The following ATP6V0A4 variants were observed in gnomAD, a reference collection of about 807,000 sequenced individuals.
ATP6V0A4 encodes the protein ATPase H+ transporting V0 subunit a4.
In ATP6V0A4, 86 loss-of-function variants were observed where a neutral mutation model predicts 107.3. The observed-to-expected ratio is 0.80, with a 90% confidence interval of 0.67 to 0.96. ATP6V0A4 has a LOEUF of 0.96. Ranked by LOEUF, ATP6V0A4 falls within the 40% of genes least tolerant of loss-of-function variation. The pLI, the probability that ATP6V0A4 is intolerant of heterozygous loss-of-function variation, is 0.00. For missense variants in ATP6V0A4, 908 were observed against 1,045.6 expected (o/e 0.87, Z 1.81); for synonymous variants, 353 against 381.4 (o/e 0.93, Z 0.87).
chr7:138,758,739 A>ATTTTTTTTTTT lies in ATP6V0A4; in HGVS notation c.639+1002_639+1012dup, dbSNP rs398006555. On this transcript the variant is annotated intron_variant, in intron 8 of 21. Coordinates refer to ENST00000310018, the MANE Select transcript of ATP6V0A4 (RefSeq NM_020632.3). Reference sequence around the variant, plus strand: ...CCCCACTCAGACCCACTGACTCAGAATTTTTTTTTTTTTTTTTTTTTTTTT... The same window carrying ATTTTTTTTTTT: ...CCCCACTCAGACCCACTGACTCAGAATTTTTTTTTTTTTTTTTTTTTTTTTTTTTTTTTTTT... Among the ~76,000 whole-genome samples the ATTTTTTTTTTT allele has an allele frequency of 1.2e-3, 73 of 59,198 alleles. 7 individuals are homozygous for ATTTTTTTTTTT. Among genetic ancestry groups the ATTTTTTTTTTT allele is most frequent in the East Asian group, 4.9e-3 (9 of 1,848 alleles). The allele number at this position is 59,198 out of a possible 152,430, so 38.8% of individuals were successfully genotyped here. A position where few individuals can be genotyped will look rare whatever the true frequency, so the allele number is the denominator to read the frequency against.
At chr7:138,732,065 G>C (rs1361368546) in intron 17 of ATP6V0A4, among the ~76,000 whole-genome samples, 1 of 152,150 alleles carries the variant, frequency 6.6e-6, no homozygotes, top group Non-Finnish European at 1.5e-5. Context: ...GCTCCCGCCA[G>C]CTTTGGAAGC....
chr7:138,733,026 A>G lies in ATP6V0A4; in HGVS notation c.1759T>C (p.Phe587Leu), dbSNP rs551737904. Residue 587 changes from phenylalanine (F) to leucine (L), a missense_variant, in exon 17 of 22, where the codon TTT becomes CTT. Coordinates refer to ENST00000310018, the MANE Select transcript of ATP6V0A4 (RefSeq NM_020632.3). ...IPEMIFILCLFGYLVFMIIFK... is the reference protein window; with the variant it reads ...IPEMIFILCLLGYLVFMIIFK... ...ATGATCATGAAAACCAGGTATCCAA[A>G]CAGACACAGGATAAAAATCATCTCA... 6.2e-7 allele frequency: 1 copy of G among 1,614,096 alleles called. No homozygotes were observed. The highest frequency in any genetic ancestry group is 1.7e-5 in the Admixed American group (1 of 60,000).
At chr7:138,792,034 T>C (rs563685205) in intron 1 of ATP6V0A4, among the ~76,000 whole-genome samples, 2 of 152,004 alleles carry the variant, frequency 1.3e-5, no homozygotes, top group East Asian at 1.9e-4. Context: ...ATAGGCCAGG[T>C]GTGGTGGCTC....
At chr7:138,764,146 AAAAT>A (rs1245655694) in intron 5 of ATP6V0A4, among the ~76,000 whole-genome samples, 2 of 151,814 alleles carry the variant, frequency 1.3e-5, no homozygotes, top group Non-Finnish European at 2.9e-5. Context: ...GTTATTTAGA[AAAAT>A]AAATATGTAA....
intron 17 of ATP6V0A4, 79 bp downstream of exon 17, chr7:138,732,798 A>C (rs1805087175): frequency 4.3e-6 from 6 of 1,410,846 alleles, no homozygotes; most frequent in Admixed American, 2.3e-5. Flanking sequence ...TTTCTCAAAA[A>C]AAAAAAAAGA....
At position 138,745,791 on chromosome 7, in the gene ATP6V0A4, T is replaced by TA. The variant is rs373882191; in HGVS notation, c.1321-512dup. Among the ~76,000 whole-genome samples the TA allele has an allele frequency of 1.7e-3, 244 of 146,072 alleles. 1 individual carries two copies. Among genetic ancestry groups the TA allele is most frequent in the African/African-American group, 5.9e-3 (235 of 39,558 alleles). ...CAACATGGTGAAACCCCGTCTCTAC[T>TA]AAAATTAGCCAGATGTGGTGGTATG... On this transcript the variant is annotated intron_variant, in intron 13 of 21. Coordinates refer to ENST00000310018, the MANE Select transcript of ATP6V0A4 (RefSeq NM_020632.3).
intron 1 of ATP6V0A4, among the ~76,000 whole-genome samples, chr7:138,794,246 G>A (rs1217370212): frequency 6.6e-6 from 1 of 152,128 alleles, no homozygotes; most frequent in Non-Finnish European, 1.5e-5. Context: ...GGCTTGGCAG[G>A]CACAGGCTTG....
intron 16 of ATP6V0A4, among the ~76,000 whole-genome samples, chr7:138,733,709 C>T (rs1043230882): frequency 1.3e-5 from 2 of 150,988 alleles, no homozygotes; most frequent in African/African-American, 4.9e-5. Flanking sequence ...TCCTAAGTAG[C>T]TGGGATTACA....
intron 1 of ATP6V0A4, among the ~76,000 whole-genome samples, chr7:138,793,840 G>A (rs762716579): frequency 1.6e-4 from 24 of 152,114 alleles, no homozygotes; most frequent in African/African-American, 4.1e-4. Context: ...GTTAACCTCC[G>A]CGTGTCTGGA....
rs543692303 is a variant in ATP6V0A4 at position 138,766,252 on chromosome 7, G to A, written c.291+2528C>T. On this transcript the variant is annotated intron_variant, in intron 5 of 21. Coordinates refer to ENST00000310018, the MANE Select transcript of ATP6V0A4 (RefSeq NM_020632.3). Reference sequence around the variant, plus strand: ...CAGTCTTGCTCTGTCACCCACGCTGGAGTGCAGTAGTGCGATCTCGGTTCC... The same window carrying A: ...CAGTCTTGCTCTGTCACCCACGCTGAAGTGCAGTAGTGCGATCTCGGTTCC... Among the ~76,000 whole-genome samples, 23 of 150,574 alleles carry A rather than the reference G, an allele frequency of 1.5e-4. No individual in the cohort carries two copies. The South Asian group carries it at 3.4e-3, about 22-fold the overall frequency.
In ATP6V0A4 at chr7:138,753,980, C is replaced by A. The variant is rs368370975; in HGVS notation, c.817-1143G>T. 1.4e-4 allele frequency among the ~76,000 whole-genome samples: 22 copies of A among 152,254 alleles called. No homozygotes were observed. In the East Asian group the frequency reaches 1.9e-3, roughly 13 times the overall value. ...AGCTGGGATCATCTGAAGCCCTCGA[C>A]ACAGCAGCAACCCGTCATACTAAAT... On this transcript the variant is annotated intron_variant, in intron 10 of 21. Transcript: ENST00000310018.
At chr7:138,733,955 G>A (rs762550061) in intron 16 of ATP6V0A4, among the ~76,000 whole-genome samples, 181 bp downstream of exon 16, 86 of 152,026 alleles carry the variant, frequency 5.7e-4, no homozygotes, top group African/African-American at 2.0e-3. Flanking sequence ...CAGGAGAAAC[G>A]GAGGTGCTGC....
At position 138,791,322 on chromosome 7, in the gene ATP6V0A4, T is replaced by C. The variant is rs187292560; in HGVS notation, c.-120-5062A>G. Reference sequence around the variant, plus strand: ...CACAGGAAAACAAAAAGATAAAGAATAAAGAAGAAGGTAAGAGAATTACAG... The same window carrying C: ...CACAGGAAAACAAAAAGATAAAGAACAAAGAAGAAGGTAAGAGAATTACAG... On this transcript the variant is annotated intron_variant, in intron 1 of 21. Coordinates refer to ENST00000310018, the MANE Select transcript of ATP6V0A4 (RefSeq NM_020632.3). Among the ~76,000 whole-genome samples, 15 of 152,014 alleles carry C rather than the reference T, an allele frequency of 9.9e-5. No homozygotes were observed. In the East Asian group the frequency reaches 2.9e-3, roughly 29 times the overall value.
chr7:138,745,105 C>G lies in ATP6V0A4; in HGVS notation c.1478+18G>C. On this transcript the variant is annotated intron_variant, in intron 14 of 21. Transcript: ENST00000310018. ...CCTGGATGGCCAGCGACTACACCAT[C>G]TCTGTCTGTCAACTCACTTCCATGT... 6.2e-7 allele frequency: 1 copy of G among 1,603,740 alleles called. No homozygotes were observed. Among genetic ancestry groups the G allele is most frequent in the Non-Finnish European group, 8.5e-7 (1 of 1,170,562 alleles).
At chr7:138,750,256 T>C (rs773808039) in intron 11 of ATP6V0A4, among the ~76,000 whole-genome samples, 1 of 152,138 alleles carries the variant, frequency 6.6e-6, no homozygotes, top group Non-Finnish European at 1.5e-5. Context: ...AAGTCTTTTT[T>C]CTTTTTCTTT....
rs143662634 is a variant in ATP6V0A4, at chr7:138,732,327, G to A, written c.1908+550C>T. The stretch of plus-strand genomic sequence containing the variant: ...GTACAAGACAATCTTCAATCCCTCT[G>A]CAATTATCCCTTTCATGTATTACCC... On this transcript the variant is annotated intron_variant, in intron 17 of 21. Coordinates refer to ENST00000310018, the MANE Select transcript of ATP6V0A4 (RefSeq NM_020632.3). Among the ~76,000 whole-genome samples, 342 of 151,922 alleles carry A rather than the reference G, an allele frequency of 2.3e-3. 2 individuals are homozygous for A. The highest frequency in any genetic ancestry group is 7.9e-3 in the African/African-American group (328 of 41,408).
chr7:138,773,570 G>A lies in ATP6V0A4; in HGVS notation c.-17-2306C>T, dbSNP rs116011109. 1.8e-4 allele frequency among the ~76,000 whole-genome samples: 27 copies of A among 152,252 alleles called. No homozygotes were observed. The highest frequency in any genetic ancestry group is 5.1e-4 in the African/African-American group (21 of 41,546). ...CATTCCCTGTTTCCACTCCCACACC[G>A]GTCTAGGTCAACAGCACCACAAAGT... On this transcript the variant is annotated intron_variant, in intron 2 of 21. Coordinates refer to ENST00000310018, the MANE Select transcript of ATP6V0A4 (RefSeq NM_020632.3). The surrounding 1 kb of genome is among the most constrained non-coding windows in gnomAD (Gnocchi z 5.4).
Position 138,773,606 on chromosome 7 carries a change from G to A in ATP6V0A4, c.-17-2342C>T, listed in dbSNP as rs1320704979. On this transcript the variant is annotated intron_variant, in intron 2 of 21. Coordinates refer to ENST00000310018, the MANE Select transcript of ATP6V0A4 (RefSeq NM_020632.3). The surrounding 1 kb of genome is among the most constrained non-coding windows in gnomAD (Gnocchi z 5.4). ...ACAGCACCACAAAGTGGGTACTCCA[G>A]AAGCAATACCCCATGTATAGACCAG... Among the ~76,000 whole-genome samples, 1 of 152,154 alleles carries A rather than the reference G, an allele frequency of 6.6e-6. No homozygotes were observed. The highest frequency in any genetic ancestry group is 2.4e-5 in the African/African-American group (1 of 41,432).
chr7:138,722,799 C>T (rs143172171), intron 18 of ATP6V0A4, among the ~76,000 whole-genome samples: 2,675 of 146,826 alleles, frequency 0.018, 35 homozygotes, highest in South Asian at 0.035. Context: ...TGGCTCATGC[C>T]TATAATCCCA....
Sources: gnomAD v4.1 joint callset for allele counts (sites outside exome capture counted in the v4.1 genomes callset) on GRCh38, gnomAD v4.1.1 for gene constraint, Gnocchi (gnomAD v3.1) non-coding constraint, MANE v1.5 for transcripts, NCBI Gene and HGNC (gene_info 2026-07-23, HGNC 2026-07-21) for gene names.